Variants in NLRP2 observed in about 807,000 individuals in gnomAD.
NLRP2 encodes NACHT, LRR and PYD domains-containing protein 2.
NLRP2 carries 107 observed loss-of-function variants against 97.2 expected under a neutral mutation model. The observed-to-expected ratio is 1.10, with a 90% CI of 0.94 to 1.29. The LOEUF (loss-of-function observed/expected upper bound fraction) is 1.29, where lower values mean the gene tolerates loss of function less well. Ranked by LOEUF, NLRP2 falls within the 50% of genes most tolerant of loss-of-function variation. The probability of loss-of-function intolerance (pLI) is 0.00; values close to 1 mark genes in which losing one functional copy is unlikely to be tolerated. For synonymous variants in NLRP2, 663 were observed against 551.5 expected (o/e 1.20, Z -2.83); for missense variants, 1,495 against 1,330.3 (o/e 1.12, Z -1.93).
Position 54,997,172 on chromosome 19 carries a change from T to C in NLRP2, c.2880-145T>C. The C allele has an allele frequency of 4.9e-6, 4 of 821,368 alleles. No individual in the cohort carries two copies. In the South Asian group the frequency reaches 5.5e-5, roughly 11 times the overall value. 50.9% of individuals were successfully genotyped at this position (821,368 alleles called of 1,614,324 possible). A position where few individuals can be genotyped will look rare whatever the true frequency, so the allele number is the denominator to read the frequency against. On this transcript the variant is annotated intron_variant, in intron 11 of 12. Transcript: ENST00000448584. ...CATCCACCTCGGCCTCCCAAAGTGC[T>C]GGGATTACAGGCGTGAACCACCGTG...
chr19:54,974,600 C>T, intron 3 of NLRP2, 56 bp downstream of exon 3: 1 of 1,248,412 alleles, frequency 8.0e-7, no homozygotes, highest in Non-Finnish European at 1.2e-6. Flanking sequence ...GGACTCGGGC[C>T]TTTGTTTTAA....
chr19:54,982,466 C>T lies in NLRP2; in HGVS notation c.768C>T (p.Cys256=). The T allele has an allele frequency of 3.1e-6, 5 of 1,614,174 alleles. No individual in the cohort carries two copies. The highest frequency in any genetic ancestry group is 4.2e-6 in the Non-Finnish European group (5 of 1,180,044). ...GGGAGCTCAGCCGCCTGGGCCCGTG[C>T]AGTTTTGCAGAGCTGGTCTTCAGGG... The part of the protein sequence containing the change: ...SCRELSRLGP[C]SFAELVFRDW... Residue 256 remains cysteine, a synonymous_variant, in exon 6 of 13, where the codon TGC becomes TGT. Transcript: ENST00000448584.
intron 2 of NLRP2, among the ~76,000 whole-genome samples, chr19:54,972,283 G>T (rs1421451813): frequency 6.6e-6 from 1 of 152,034 alleles, no homozygotes; most frequent in Non-Finnish European, 1.5e-5. Flanking sequence ...CTGGGTTCAA[G>T]TGTTTCTCCT....
chr19:54,977,867 C>A (rs1396410956), intron 4 of NLRP2, 44 bp downstream of exon 4: 14 of 1,567,946 alleles, frequency 8.9e-6, no homozygotes, highest in Non-Finnish European at 1.2e-5. Context: ...TGAGGAAGCC[C>A]CCCGTTCTTG....
At chr19:54,992,167 C>T (rs1361617678) in intron 10 of NLRP2, among the ~76,000 whole-genome samples, 1 of 151,858 alleles carries the variant, frequency 6.6e-6, no homozygotes, top group African/African-American at 2.4e-5. Context: ...CCGCCTCAGC[C>T]TTCCAAAGTG....
intron 6 of NLRP2, among the ~76,000 whole-genome samples, chr19:54,984,196 G>C (rs546991872): frequency 3.3e-5 from 5 of 152,108 alleles, no homozygotes; most frequent in African/African-American, 1.2e-4. Flanking sequence ...GCTCAGGCTG[G>C]AGTACAGTGG....
At position 54,974,219 on chromosome 19, in the gene NLRP2, T is replaced by C. The variant is rs547486521; in HGVS notation, c.281-281T>C. The C allele has an allele frequency of 5.3e-5, 31 of 583,100 alleles. No individual in the cohort carries two copies. The South Asian group carries it at 5.6e-4, about 10-fold the overall frequency. 36.1% of individuals were successfully genotyped at this position (583,100 alleles called of 1,614,324 possible). Reference sequence around the variant, plus strand: ...AAATACAAAACTTAGCTGGGCATGGTGGTGTATGCCTATAGTCCCAGCTAC... The same window carrying C: ...AAATACAAAACTTAGCTGGGCATGGCGGTGTATGCCTATAGTCCCAGCTAC... On this transcript the variant is annotated intron_variant, in intron 2 of 12. Transcript: ENST00000448584.
At chr19:54,993,695 CTT>C (rs1302932304) in intron 10 of NLRP2, 1 of 164,984 alleles carries the variant, frequency 6.1e-6, no homozygotes, top group African/African-American at 2.4e-5. Flanking sequence ...AAATACAAAA[CTT>C]AGCTGGGTGT....
chr19:55,000,088 A>C (rs887245583), intron 12 of NLRP2, among the ~76,000 whole-genome samples: 1 of 151,722 alleles, frequency 6.6e-6, no homozygotes, highest in Non-Finnish European at 1.5e-5. Context: ...GGTACAGTTT[A>C]GGCAACATGG....
intron 12 of NLRP2, among the ~76,000 whole-genome samples, chr19:54,998,977 G>A (rs1477649146): frequency 2.0e-5 from 3 of 151,444 alleles, no homozygotes; most frequent in Admixed American, 1.3e-4. Flanking sequence ...AGGATCCCAA[G>A]GCAGAAGAAT....
chr19:54,986,547 C>G (rs2146474286), intron 8 of NLRP2: 1 of 525,592 alleles, frequency 1.9e-6, no homozygotes, highest in African/African-American at 2.0e-5. Context: ...CTCCCAGAAT[C>G]TTTATCATCT....
chr19:54,978,425 G>A (rs2071382507), intron 4 of NLRP2, among the ~76,000 whole-genome samples: 1 of 151,904 alleles, frequency 6.6e-6, no homozygotes, highest in Non-Finnish European at 1.5e-5. Flanking sequence ...TTTTAGTAGA[G>A]ACAGGTTTCA....
At position 54,982,990 on chromosome 19, in the gene NLRP2, G is replaced by A. The variant is rs779407063; in HGVS notation, c.1292G>A (p.Arg431His). ...CTCACCCGCACGGGGCTGTTCCTGC[G>A]TTTCCTCTGCAGCCGGTTCCCGCAG... ...TCLTRTGLFL[R>H]FLCSRFPQGA... Residue 431 changes from arginine (R) to histidine (H), a missense_variant, in exon 6 of 13, where the codon CGT becomes CAT. Arg to His is a conservative substitution (Grantham distance 29). Coordinates refer to ENST00000448584, the MANE Select transcript of NLRP2 (RefSeq NM_017852.5). The A allele has an allele frequency of 1.9e-5, 30 of 1,610,814 alleles. No individual in the cohort carries two copies. The highest frequency in any genetic ancestry group is 1.2e-4 in the African/African-American group (9 of 74,850).
intron 2 of NLRP2, among the ~76,000 whole-genome samples, chr19:54,973,145 C>T (rs917019405): frequency 2.6e-5 from 4 of 151,132 alleles, no homozygotes; most frequent in Admixed American, 6.6e-5. Context: ...GAGCCAAGAT[C>T]GTGCCACTGC....
chr19:54,981,515 C>A (rs945820373), intron 4 of NLRP2, 102 bp from the exon 5 acceptor site: 12 of 270,328 alleles, frequency 4.4e-5, no homozygotes, highest in South Asian at 6.2e-5. Flanking sequence ...CCGTGCCCCC[C>A]CTCCCCCCCG....
intron 3 of NLRP2, chr19:54,976,829 T>TTTTTTTTTTC: frequency 2.4e-6 from 1 of 420,340 alleles, no homozygotes; most frequent in Non-Finnish European, 4.6e-6. Context: ...TTTTTTTTTT[T>TTTTTTTTTTC]GATACGGAGT....
At chr19:54,984,485 C>CTTTTTTTT (rs36061621) in intron 6 of NLRP2, among the ~76,000 whole-genome samples, 896 of 76,868 alleles carry the variant, frequency 0.012, 147 homozygotes, top group African/African-American at 0.046. Context: ...TATTCCCAAT[C>CTTTTTTTT]TTTTTTTTTT....
intron 12 of NLRP2, among the ~76,000 whole-genome samples, chr19:54,998,254 G>A (rs1352328912): frequency 6.6e-6 from 1 of 151,796 alleles, no homozygotes; most frequent in African/African-American, 2.4e-5. Context: ...CCTGACCTCC[G>A]TGATTTGCCC....
chr19:54,986,480 G>A (rs2146473795), intron 8 of NLRP2, 165 bp downstream of exon 8: 3 of 683,966 alleles, frequency 4.4e-6, no homozygotes, highest in Middle Eastern at 7.5e-4. Context: ...GTTTCTACTT[G>A]CCTTGAACAG....
Sources: allele counts gnomAD v4.1 joint callset (sites outside exome capture counted in the v4.1 genomes callset), GRCh38; gene constraint gnomAD v4.1.1; transcripts MANE v1.5; gene names NCBI Gene and HGNC (gene_info 2026-07-23, HGNC 2026-07-21).